RGPD1: variants seen among roughly 807,000 people sequenced by gnomAD.
RGPD1 encodes RANBP2 like and GRIP domain containing 1.
In RGPD1, 7 loss-of-function variants were observed where a neutral mutation model predicts 40.6. That is an observed-to-expected ratio of 0.17 (90% CI 0.10 to 0.32). The LOEUF is 0.32. Among genes scored for constraint, RGPD1 ranks in the 10% least tolerant of loss-of-function variants. The pLI is 1.00. For missense variants in RGPD1, 50 were observed against 472.5 expected, an observed-to-expected ratio of 0.11 and a Z score of 8.29; for synonymous variants, 24 against 167.0, an observed-to-expected ratio of 0.14 and a Z score of 6.60.
chr2:86,914,670 T>G (rs1179533226), intron 1 of RGPD1, among the ~76,000 whole-genome samples: 14 of 15,620 alleles, frequency 9.0e-4, no homozygotes, highest in African/African-American at 2.8e-3. Context: ...GGCGGCGGCC[T>G]CGACCTGGCC....
At chr2:86,955,958 G>A (rs977835294) in intron 4 of RGPD1, among the ~76,000 whole-genome samples, 2 of 150,570 alleles carry the variant, frequency 1.3e-5, no homozygotes, top group African/African-American at 2.5e-5. Context: ...ATACTTTGAA[G>A]CACTCTTTAA....
At chr2:86,942,656 CG>C (rs1407441920) in intron 1 of RGPD1, among the ~76,000 whole-genome samples, 3 of 134,638 alleles carry the variant, frequency 2.2e-5, no homozygotes, top group Non-Finnish European at 3.2e-5. Context: ...TCGACCTGGC[CG>C]GGCGGCGGCG....
rs1678850215 is a variant in RGPD1 at position 86,930,424 on chromosome 2, CG to C, written c.72+16505del. Reference sequence around the variant, plus strand: ...AGGAGGCGAAGGTCAAGCAGTGAACCGGTAGGGAAAGGACCAGCCCCATGGC... The same window carrying C: ...AGGAGGCGAAGGTCAAGCAGTGAACCGTAGGGAAAGGACCAGCCCCATGGC... On this transcript the variant is annotated intron_variant, in intron 1 of 22. Coordinates refer to the RGPD1 transcript ENST00000398193. 2.1e-6 allele frequency: 3 copies of C among 1,459,100 alleles called. 1 individual carries two copies. In the African/African-American group the frequency reaches 4.3e-5, roughly 21 times the overall value. The allele number at this position is 1,459,100 out of a possible 1,614,324, so 90.4% of individuals were successfully genotyped here. A position where few individuals can be genotyped will look rare whatever the true frequency, so the allele number is the denominator to read the frequency against.
At chr2:86,944,019 AAAAAAAAACC>A (rs1276503124) in intron 1 of RGPD1, among the ~76,000 whole-genome samples, 12 of 146,248 alleles carry the variant, frequency 8.2e-5, no homozygotes, top group Non-Finnish European at 1.3e-4. Context: ...AAAAAAAAAC[AAAAAAAAACC>A]AAAAAACGGA....
intron 22 of RGPD1, among the ~76,000 whole-genome samples, chr2:86,998,569 G>C (rs1681882473): frequency 1.6e-5 from 1 of 60,804 alleles, no homozygotes; most frequent in African/African-American, 5.8e-5. Flanking sequence ...AAAAAACTAT[G>C]ATGTAGTTAG....
intron 1 of RGPD1, among the ~76,000 whole-genome samples, chr2:86,920,044 A>G (rs1215191946): frequency 2.6e-5 from 4 of 152,038 alleles, no homozygotes; most frequent in Non-Finnish European, 4.4e-5. Flanking sequence ...GAAAAATCTT[A>G]TGGGAAAATA....
chr2:87,009,122 G>A (rs1420503511), intron 22 of RGPD1, among the ~76,000 whole-genome samples: 4 of 125,574 alleles, frequency 3.2e-5, no homozygotes, highest in African/African-American at 1.2e-4. Context: ...TGGCTAACAC[G>A]GTGAAACCCT....
At chr2:86,925,600 T>A (rs1391107805) in intron 1 of RGPD1, among the ~76,000 whole-genome samples, 1 of 152,234 alleles carries the variant, frequency 6.6e-6, no homozygotes, top group Non-Finnish European at 1.5e-5. Flanking sequence ...TTTCAAAAAT[T>A]AAGGCATATT....
intron 1 of RGPD1, chr2:86,913,946 C>G: frequency 7.6e-7 from 1 of 1,312,046 alleles, no homozygotes; most frequent in Non-Finnish European, 1.0e-6. Context: ...AAGAGACCGA[C>G]GGCCTCGACC....
intron 1 of RGPD1, among the ~76,000 whole-genome samples, chr2:86,936,985 T>TTTTAACCAGG (rs1268939510): frequency 9.6e-6 from 1 of 103,898 alleles, no homozygotes; most frequent in Non-Finnish European, 1.9e-5. Flanking sequence ...CCTGGCAGAG[T>TTTTAACCAGG]TTTAACAATC....
At chr2:86,941,047 AAAATATG>A (rs1679705458), upstream of RGPD1, among the ~76,000 whole-genome samples, 1 of 150,620 alleles carries the variant, frequency 6.6e-6, no homozygotes, top group Non-Finnish European at 1.5e-5. Flanking sequence ...CAAAATTTAG[AAAATATG>A]GAAAAACAAA....
intron 1 of RGPD1, among the ~76,000 whole-genome samples, chr2:86,945,769 C>T (rs1466323140): frequency 3.9e-4 from 58 of 147,436 alleles, no homozygotes; most frequent in East Asian, 2.6e-3. Context: ...CCCACCTACT[C>T]GGTAGGCTGA....
At chr2:86,988,451 A>C (rs1404573564) in intron 20 of RGPD1, among the ~76,000 whole-genome samples, 1 of 105,004 alleles carries the variant, frequency 9.5e-6, no homozygotes, top group Non-Finnish European at 2.0e-5. Flanking sequence ...CAAAAAAAAA[A>C]AAAAAAAACA....
At chr2:87,008,896 G>GAC (rs1347559776) in intron 22 of RGPD1, among the ~76,000 whole-genome samples, 1 of 91,682 alleles carries the variant, frequency 1.1e-5, no homozygotes, top group Non-Finnish European at 2.1e-5. Flanking sequence ...TTCAAAAGCT[G>GAC]ACACACAATG....
Position 87,012,963 on chromosome 2 carries a change from CT to C in RGPD1, c.*419del. ...AATCCCTCACAGACACAGACGGACA[CT>C]TTACAGTAGATGAACACAAAGATGA... is the stretch of plus-strand genomic sequence containing the variant. On this transcript the variant is annotated 3_prime_UTR_variant, in exon 23 of 23. Coordinates refer to ENST00000641458, the MANE Select transcript of RGPD1 (RefSeq NM_001382344.1). The C allele has an allele frequency of 2.4e-6, 1 of 418,890 alleles. No individual in the cohort carries two copies. 25.9% of individuals were successfully genotyped at this position (418,890 alleles called of 1,614,324 possible).
rs1558799664 is a variant in RGPD1, at chr2:86,942,539, GGGCGGCGGCGGCGGCCTCGACGTGGCCC to G, written c.72+241_72+268del. Among the ~76,000 whole-genome samples, 670 of 68,280 alleles carry G rather than the reference GGGCGGCGGCGGCGGCCTCGACGTGGCCC, an allele frequency of 9.8e-3. 36 individuals are homozygous for G. The highest frequency in any genetic ancestry group is 0.015 in the South Asian group (23 of 1,578). The allele number at this position is 68,280 out of a possible 152,430, so 44.8% of individuals were successfully genotyped here. On this transcript the variant is annotated intron_variant, in intron 1 of 22. Coordinates refer to ENST00000641458, the MANE Select transcript of RGPD1 (RefSeq NM_001382344.1). ...CGGCGGCGGCGGCCTCGACCTGGCC[GGGCGGCGGCGGCGGCCTCGACGTGGCCC>G]GGCGGCGGCCTCGATGGCTCAGGCG...
At chr2:86,943,273 G>GC (rs1205312059) in intron 1 of RGPD1, among the ~76,000 whole-genome samples, 123 of 74,598 alleles carry the variant, frequency 1.6e-3, no homozygotes, top group Non-Finnish European at 2.1e-3. Flanking sequence ...CACCTCCCTC[G>GC]CCCCCCCCCC....
chr2:86,928,257 T>G (rs1224537182), intron 1 of RGPD1, among the ~76,000 whole-genome samples: 1 of 151,710 alleles, frequency 6.6e-6, no homozygotes, highest in African/African-American at 2.4e-5. Flanking sequence ...AGCATCCATA[T>G]AAAGGGAGTG....
chr2:86,936,165 C>T (rs1411944597), intron 1 of RGPD1, among the ~76,000 whole-genome samples: 1 of 130,240 alleles, frequency 7.7e-6, no homozygotes, highest in East Asian at 2.4e-4. Flanking sequence ...GCCACCATGC[C>T]CAGCTAATTT....
Sources: gnomAD v4.1 joint callset for allele counts (sites outside exome capture counted in the v4.1 genomes callset) on GRCh38, gnomAD v4.1.1 for gene constraint, MANE v1.5 for transcripts, NCBI Gene and HGNC (gene_info 2026-07-23, HGNC 2026-07-21) for gene names.